The following NCOR2 variants were observed in gnomAD, a reference collection of about 807,000 sequenced individuals.
NCOR2 encodes the protein CTG repeat protein 26.
In NCOR2, 81 loss-of-function variants were observed where a neutral mutation model predicts 262.9. That is an observed-to-expected ratio of 0.31 (90% CI 0.26 to 0.37). The LOEUF is 0.37. Among genes scored for constraint, NCOR2 ranks in the 10% least tolerant of loss-of-function variants. NCOR2 has a pLI of 1.00. For synonymous variants in NCOR2, 1,659 were observed against 1,559.3 expected (o/e 1.06, Z -1.51); for missense variants, 3,385 against 3,621.4 (o/e 0.93, Z 1.68).
At chr12:124,542,330 GCGGCCACAC>G (rs1290026997) in intron 1 of NCOR2, among the ~76,000 whole-genome samples, 1 of 152,050 alleles carries the variant, frequency 6.6e-6, no homozygotes, top group Non-Finnish European at 1.5e-5. Context: ...CCCCTGACCA[GCGGCCACAC>G]CGGCCACAAC....
At chr12:124,340,363 C>T in exon 36 of NCOR2, 3 of 1,613,036 alleles carry the variant, frequency 1.9e-6, no homozygotes, top group Non-Finnish European at 2.5e-6. Context: ...CGCTCCCGAT[C>T]CCGGTCCCGC....
intron 1 of NCOR2, among the ~76,000 whole-genome samples, chr12:124,508,261 G>A (rs1176275113): frequency 1.3e-5 from 2 of 152,258 alleles, no homozygotes; most frequent in Admixed American, 6.5e-5. Flanking sequence ...AGAAGTGGAC[G>A]CATCTGGGCC....
At chr12:124,348,177 C>T in exon 29 of NCOR2, 7 of 1,610,786 alleles carry the variant, frequency 4.3e-6, no homozygotes, top group South Asian at 2.2e-5. Context: ...CTATCACCTT[C>T]GATGCTGGCT....
chr12:124,334,205 C>A (rs2035665166), intron 41 of NCOR2: 2 of 482,532 alleles, frequency 4.1e-6, no homozygotes, highest in Non-Finnish European at 7.3e-6. Flanking sequence ...CACGTGAGTG[C>A]CTGGAACCCA....
intron 41 of NCOR2, among the ~76,000 whole-genome samples, chr12:124,333,899 C>CGCGTGTGTGTGTGT (rs2035566705): frequency 1.1e-5 from 1 of 90,720 alleles, no homozygotes; most frequent in African/African-American, 3.7e-5. Context: ...TGTGTGTGCG[C>CGCGTGTGTGTGTGT]GCGCATGTGT....
At chr12:124,342,662 C>T (rs996188314) in intron 33 of NCOR2, among the ~76,000 whole-genome samples, 10 of 152,168 alleles carry the variant, frequency 6.6e-5, no homozygotes, top group African/African-American at 2.2e-4. Context: ...GCCACCGTGC[C>T]CGGCAACTTT....
At chr12:124,423,122 C>A (rs2043316667) in intron 11 of NCOR2, among the ~76,000 whole-genome samples, 1 of 152,222 alleles carries the variant, frequency 6.6e-6, no homozygotes, top group African/African-American at 2.4e-5. Context: ...TGGCGGGTCG[C>A]TGGCACTGTC....
chr12:124,372,295 G>A lies in NCOR2; in HGVS notation c.2534C>T (p.Pro845Leu), dbSNP rs1260863579. The change falls in exon 20 of 47, where the codon CCC becomes CTC. Residue 845 changes from proline to leucine, a missense_variant. Physicochemically the swap from Pro to Leu is moderately conservative, Grantham distance 98. Transcript: ENST00000405201. The stretch of plus-strand genomic sequence containing the variant: ...CACTGCCAGCTCCTCAGCCGCGGGG[G>A]GCTTCTGCTCCTCCCCCTCCTCCAC... 15 of 1,540,860 alleles carry A rather than the reference G, an allele frequency of 9.7e-6. No individual in the cohort carries two copies. The Admixed American group carries it at 2.9e-4, about 30-fold the overall frequency.
chr12:124,546,964 T>A (rs1421061072), intron 1 of NCOR2, among the ~76,000 whole-genome samples: 1 of 152,126 alleles, frequency 6.6e-6, no homozygotes, highest in East Asian at 1.9e-4. Flanking sequence ...AGCATACCGT[T>A]AACATTGTCT....
At chr12:124,384,818 G>C (rs2040672179) in intron 17 of NCOR2, among the ~76,000 whole-genome samples, 1 of 152,070 alleles carries the variant, frequency 6.6e-6, no homozygotes, top group African/African-American at 2.4e-5. Flanking sequence ...AGTGGCGGGG[G>C]GAGGAGTAGT....
chr12:124,370,530 G>C (rs1034432166), intron 20 of NCOR2, among the ~76,000 whole-genome samples: 2 of 152,158 alleles, frequency 1.3e-5, no homozygotes, highest in African/African-American at 4.8e-5. Flanking sequence ...GGAGAAAACA[G>C]ACCACACTGT....
At chr12:124,329,709 A>C (rs1018036791) in intron 44 of NCOR2, among the ~76,000 whole-genome samples, 1 of 152,214 alleles carries the variant, frequency 6.6e-6, no homozygotes, top group South Asian at 2.1e-4. Context: ...GCACCACTGC[A>C]CTCTGGCCTA....
intron 20 of NCOR2, among the ~76,000 whole-genome samples, chr12:124,371,500 A>G (rs1388854543): frequency 6.6e-6 from 1 of 152,226 alleles, no homozygotes; most frequent in African/African-American, 2.4e-5. Context: ...AAGTGTGGAC[A>G]CAGAGATGCA....
intron 16 of NCOR2, chr12:124,388,792 T>TCGGCTCTG (rs1367382103): frequency 1.5e-6 from 2 of 1,298,410 alleles, no homozygotes; most frequent in African/African-American, 3.1e-5. Flanking sequence ...GCGGCCGCGG[T>TCGGCTCTG]CGGCTCTGCG....
At chr12:124,404,519 C>A (rs974496582) in intron 13 of NCOR2, among the ~76,000 whole-genome samples, 3 of 152,230 alleles carry the variant, frequency 2.0e-5, no homozygotes, top group South Asian at 4.1e-4. Flanking sequence ...CCCCCTGGGG[C>A]CTCACCCATG....
At chr12:124,469,313 C>T (rs1241765495) in intron 4 of NCOR2, among the ~76,000 whole-genome samples, 3 of 152,164 alleles carry the variant, frequency 2.0e-5, no homozygotes, top group African/African-American at 4.8e-5. Flanking sequence ...GCCAGAAAAT[C>T]CAGGATGCTG....
intron 1 of NCOR2, among the ~76,000 whole-genome samples, chr12:124,510,021 G>A (rs933428501): frequency 2.0e-5 from 3 of 152,220 alleles, no homozygotes; most frequent in East Asian, 1.9e-4. Flanking sequence ...GCTCCCGCCA[G>A]GCCAGAAAAA....
At position 124,385,897 on chromosome 12, in the gene NCOR2, G is replaced by A; in HGVS notation, c.1877-10C>T. ...CCGTGTTCCAGGAGACCTGTCTCAGGAGAGGAGGGCAGTGAGAAGAGGCCA... is the reference window on the plus strand; with the variant it reads ...CCGTGTTCCAGGAGACCTGTCTCAGAAGAGGAGGGCAGTGAGAAGAGGCCA... On this transcript the variant is annotated splice_polypyrimidine_tract_variant and intron_variant, in intron 16 of 46. Transcript: ENST00000405201. 1 of 1,612,446 alleles carries A rather than the reference G, an allele frequency of 6.2e-7. No homozygotes were observed. The highest frequency in any genetic ancestry group is 8.5e-7 in the Non-Finnish European group (1 of 1,179,596).
chr12:124,342,038 T>C (rs1593131939), exon 34 of NCOR2: 1 of 1,611,842 alleles, frequency 6.2e-7, no homozygotes, highest in Non-Finnish European at 8.5e-7. Flanking sequence ...GTAGGTGGGG[T>C]TGGGGGCCAG....
Sources: gnomAD v4.1 joint callset for allele counts (sites outside exome capture counted in the v4.1 genomes callset) on GRCh38, gnomAD v4.1.1 for gene constraint, MANE v1.5 for transcripts, NCBI Gene and HGNC (gene_info 2026-07-23, HGNC 2026-07-21) for gene names.